The following FUT9 variants were observed in gnomAD, a reference collection of about 807,000 sequenced individuals.
FUT9 encodes fucosyltransferase 9.
FUT9 carries 15 observed loss-of-function variants against 29.7 expected under a neutral mutation model. That is an observed-to-expected ratio of 0.51 (90% CI 0.34 to 0.78). FUT9 has a LOEUF of 0.78. Ranked by LOEUF, FUT9 falls within the 30% of genes least tolerant of loss-of-function variation. The probability of loss-of-function intolerance (pLI) is 0.01; values close to 1 mark genes in which losing one functional copy is unlikely to be tolerated. For synonymous variants in FUT9, 169 were observed against 153.7 expected (o/e 1.10, Z -0.74); for missense variants, 319 against 425.4 (o/e 0.75, Z 2.20).
At chr6:96,163,809 C>T (rs547243994) in intron 2 of FUT9, among the ~76,000 whole-genome samples, 1 of 152,170 alleles carries the variant, frequency 6.6e-6, no homozygotes, top group Non-Finnish European at 1.5e-5. Flanking sequence ...CAGGCACAAG[C>T]CACTGTGCCC....
intron 1 of FUT9, among the ~76,000 whole-genome samples, chr6:96,017,354 T>A (rs1769997958): frequency 6.6e-6 from 1 of 152,240 alleles, no homozygotes; most frequent in Admixed American, 6.5e-5. Context: ...TGTAGAAGTT[T>A]TCTTAGAACA....
chr6:96,150,530 G>C (rs1030854532), intron 2 of FUT9, among the ~76,000 whole-genome samples: 2 of 152,182 alleles, frequency 1.3e-5, no homozygotes, highest in Non-Finnish European at 2.9e-5. Context: ...CAGGTACAGA[G>C]GGTTTTAAGA....
chr6:96,173,905 A>T (rs753442065), intron 2 of FUT9, among the ~76,000 whole-genome samples: 1 of 152,048 alleles, frequency 6.6e-6, no homozygotes, highest in Non-Finnish European at 1.5e-5. Flanking sequence ...CTATTAAAAA[A>T]CCATTTTGCA....
At chr6:96,188,676 C>T (rs1030694375) in intron 2 of FUT9, among the ~76,000 whole-genome samples, 1 of 146,780 alleles carries the variant, frequency 6.8e-6, no homozygotes, top group Admixed American at 7.0e-5. Context: ...AACACATGCA[C>T]ATATATTTTT....
intron 2 of FUT9, among the ~76,000 whole-genome samples, chr6:96,138,006 TA>T (rs61447963): frequency 0.76 from 116,070 of 152,014 alleles, 45,908 homozygotes; most frequent in East Asian, 1. Context: ...AACCTGTCTC[TA>T]ATGTGCTTAT....
intron 1 of FUT9, among the ~76,000 whole-genome samples, chr6:96,076,716 G>A (rs1771146817): frequency 6.6e-6 from 1 of 152,018 alleles, no homozygotes; most frequent in African/African-American, 2.4e-5. Flanking sequence ...GTTAACATAG[G>A]CATGTTGTAA....
At chr6:96,167,475 G>A (rs564075658) in intron 2 of FUT9, among the ~76,000 whole-genome samples, 27 of 152,234 alleles carry the variant, frequency 1.8e-4, no homozygotes, top group African/African-American at 6.5e-4. Context: ...TCATTTACAC[G>A]TACCAGGCAC....
At chr6:96,177,629 T>C (rs1469277658) in intron 2 of FUT9, among the ~76,000 whole-genome samples, 1 of 152,102 alleles carries the variant, frequency 6.6e-6, no homozygotes, top group Admixed American at 6.6e-5. Flanking sequence ...AGCCTCCAAA[T>C]AAATGAACTT....
chr6:96,181,627 G>A (rs1434146463), intron 2 of FUT9, among the ~76,000 whole-genome samples: 1 of 151,710 alleles, frequency 6.6e-6, no homozygotes, highest in Non-Finnish European at 1.5e-5. Flanking sequence ...TCATTCATAT[G>A]CCTTTGCATC....
chr6:96,191,820 C>T (rs561520016), intron 2 of FUT9, among the ~76,000 whole-genome samples: 16 of 152,190 alleles, frequency 1.1e-4, no homozygotes, highest in South Asian at 2.1e-4. Context: ...ACTGGCAAAC[C>T]GAATCCAGCA....
chr6:96,026,944 A>T (rs1309373597), intron 1 of FUT9, among the ~76,000 whole-genome samples: 1 of 151,680 alleles, frequency 6.6e-6, no homozygotes, highest in African/African-American at 2.4e-5. Context: ...AATAAATGCT[A>T]GTAGAGATGA....
At chr6:96,180,096 A>G (rs566064521) in intron 2 of FUT9, among the ~76,000 whole-genome samples, 75 of 152,250 alleles carry the variant, frequency 4.9e-4, no homozygotes, top group African/African-American at 1.8e-3. Flanking sequence ...AAAGTTTATT[A>G]TTGCTACTGC....
chr6:96,049,558 T>C (rs894077768), intron 1 of FUT9, among the ~76,000 whole-genome samples: 5 of 152,150 alleles, frequency 3.3e-5, no homozygotes, highest in African/African-American at 1.2e-4. Flanking sequence ...AGAGAGAGGT[T>C]TGAAAAGAGG....
rs1773946781 is a variant in FUT9, at chr6:96,212,038, A to G, written c.*7803A>G. 2.4e-6 allele frequency: 1 copy of G among 412,060 alleles called. No individual in the cohort carries two copies. The highest frequency in any genetic ancestry group is 2.1e-5 in the African/African-American group (1 of 48,596). 25.5% of individuals were successfully genotyped at this position (412,060 alleles called of 1,614,324 possible). On this transcript the variant is annotated 3_prime_UTR_variant, in exon 3 of 3. Coordinates refer to ENST00000302103, the MANE Select transcript of FUT9 (RefSeq NM_006581.4). Reference sequence around the variant, plus strand: ...CTACAGAAAGTTATGCTAACATGCTAACTTTCCACACATGGCTGCATTCCA... The same window carrying G: ...CTACAGAAAGTTATGCTAACATGCTGACTTTCCACACATGGCTGCATTCCA...
chr6:96,183,096 G>C (rs1244559100), intron 2 of FUT9, among the ~76,000 whole-genome samples: 1 of 152,004 alleles, frequency 6.6e-6, no homozygotes. Context: ...CCATTTGTTT[G>C]TGTTGTCTAT....
In FUT9 at chr6:96,090,114, A is replaced by G. The variant is rs1253508436; in HGVS notation, c.-97-23925A>G. On this transcript the variant is annotated intron_variant, in intron 1 of 2. Transcript: ENST00000302103. ...GTACCAATGGACATATAGAGTGCTT[A>G]CGGCCCATAAGAAAGAGTTAACATT... 2.0e-5 allele frequency among the ~76,000 whole-genome samples: 3 copies of G among 152,142 alleles called. No homozygotes were observed. The East Asian group carries it at 5.8e-4, about 29-fold the overall frequency.
At chr6:96,100,829 G>C (rs536061577) in intron 1 of FUT9, among the ~76,000 whole-genome samples, 1 of 152,138 alleles carries the variant, frequency 6.6e-6, no homozygotes, top group Non-Finnish European at 1.5e-5. Context: ...ACACACCGTT[G>C]TAAAATCTGT....
At chr6:96,087,558 G>A (rs1206877760) in intron 1 of FUT9, among the ~76,000 whole-genome samples, 1 of 151,684 alleles carries the variant, frequency 6.6e-6, no homozygotes, top group African/African-American at 2.4e-5. Context: ...GTAGAGACGG[G>A]GTTTCACCAT....
In FUT9 at chr6:96,080,627, A is replaced by G. The variant is rs1228062249; in HGVS notation, c.-97-33412A>G. On this transcript the variant is annotated intron_variant, in intron 1 of 2. Transcript: ENST00000302103. ...AAATAACTCATTTATTCAAACTTTA[A>G]TATTTGAAAAATCATGTCTTGACCA... Among the ~76,000 whole-genome samples, 3 of 152,002 alleles carry G rather than the reference A, an allele frequency of 2.0e-5. 1 individual carries two copies. In the East Asian group the frequency reaches 5.8e-4, roughly 29 times the overall value.
Sources: gnomAD v4.1 joint callset for allele counts (sites outside exome capture counted in the v4.1 genomes callset) on GRCh38, gnomAD v4.1.1 for gene constraint, MANE v1.5 for transcripts, NCBI Gene and HGNC (gene_info 2026-07-23, HGNC 2026-07-21) for gene names.